Variants in KDM4C observed in about 807,000 individuals in gnomAD.
The protein encoded by KDM4C is lysine-specific demethylase 4C.
KDM4C carries 81 observed loss-of-function variants against 129.3 expected under a neutral mutation model. The ratio of observed to expected loss-of-function variants is 0.63; its 90% CI spans 0.52 to 0.75. KDM4C has a LOEUF of 0.75. KDM4C is among the 30% of genes least tolerant of loss of function. The probability of loss-of-function intolerance (pLI) is 0.00; values close to 1 mark genes in which losing one functional copy is unlikely to be tolerated. For synonymous variants in KDM4C, 573 were observed against 456.1 expected (o/e 1.26, Z -3.26); for missense variants, 1,457 against 1,304.0 (o/e 1.12, Z -1.81).
intron 8 of KDM4C, among the ~76,000 whole-genome samples, chr9:6,917,498 A>C (rs550360559): frequency 1.3e-5 from 2 of 152,310 alleles, no homozygotes; most frequent in African/African-American, 4.8e-5. Flanking sequence ...CTCATCTGGC[A>C]AAAATCCCCA....
intron 8 of KDM4C, among the ~76,000 whole-genome samples, chr9:6,939,345 C>T (rs1244882607): frequency 1.3e-5 from 2 of 152,078 alleles, no homozygotes; most frequent in Non-Finnish European, 1.5e-5. Context: ...CTCCCATCCC[C>T]CCGTGAGGGC....
intron 1 of KDM4C, among the ~76,000 whole-genome samples, chr9:6,778,794 A>G (rs1823657552): frequency 6.9e-6 from 1 of 145,214 alleles, no homozygotes; most frequent in South Asian, 2.2e-4. Context: ...AGATTCGTCT[A>G]TCTAGGTGGA....
At chr9:6,992,246 T>G (rs1818890007) in intron 12 of KDM4C, among the ~76,000 whole-genome samples, 1 of 152,210 alleles carries the variant, frequency 6.6e-6, no homozygotes, top group Non-Finnish European at 1.5e-5. Context: ...TGTCCTTATT[T>G]GCCTAGGAAG....
At chr9:6,778,092 CTT>C (rs760255723) in intron 1 of KDM4C, among the ~76,000 whole-genome samples, 29 of 131,726 alleles carry the variant, frequency 2.2e-4, no homozygotes, top group Admixed American at 3.8e-4. Context: ...CTAATTTTTT[CTT>C]TTTTTTTTTT....
intron 4 of KDM4C, among the ~76,000 whole-genome samples, chr9:6,828,887 G>A (rs768253404): frequency 1.2e-4 from 19 of 152,010 alleles, no homozygotes; most frequent in Non-Finnish European, 1.6e-4. Flanking sequence ...AAAAAAAATT[G>A]GGTTGGATAG....
intron 17 of KDM4C, chr9:7,076,655 C>G: frequency 7.6e-7 from 1 of 1,311,036 alleles, no homozygotes; most frequent in South Asian, 2.5e-5. Context: ...CCTTTTGTAT[C>G]TGTCATTTTC....
intron 19 of KDM4C, among the ~76,000 whole-genome samples, chr9:7,148,465 A>AACAGGAGGGCTGTAGTGTT (rs562456541): frequency 1.7e-3 from 256 of 152,150 alleles, no homozygotes; most frequent in African/African-American, 5.9e-3. Context: ...AGCAGTGGAG[A>AACAGGAGGGCTGTAGTGTT]ACAGGAGGGC....
At chr9:6,797,385 T>A (rs1204191224) in intron 2 of KDM4C, among the ~76,000 whole-genome samples, 1 of 152,220 alleles carries the variant, frequency 6.6e-6, no homozygotes, top group African/African-American at 2.4e-5. Context: ...TAGCTTCAGA[T>A]GACAGTCTGT....
chr9:6,895,492 A>G (rs950695066), intron 8 of KDM4C, among the ~76,000 whole-genome samples: 2 of 152,226 alleles, frequency 1.3e-5, no homozygotes, highest in Non-Finnish European at 1.5e-5. Context: ...CGTGTCATGC[A>G]AGATAGCGCA....
intron 1 of KDM4C, among the ~76,000 whole-genome samples, chr9:6,751,060 A>C (rs1312434377): frequency 1.3e-5 from 2 of 152,144 alleles, no homozygotes; most frequent in Non-Finnish European, 2.9e-5. Flanking sequence ...ATCATAAGAG[A>C]GTGAAAGCAG....
chr9:6,753,368 A>G (rs1456515758), upstream of KDM4C, among the ~76,000 whole-genome samples: 2 of 152,204 alleles, frequency 1.3e-5, no homozygotes, highest in Non-Finnish European at 2.9e-5. Flanking sequence ...ACTGACTTCT[A>G]TCTTTTATCT....
At chr9:7,135,214 C>T (rs1336899841) in intron 19 of KDM4C, among the ~76,000 whole-genome samples, 1 of 151,776 alleles carries the variant, frequency 6.6e-6, no homozygotes, top group Non-Finnish European at 1.5e-5. Flanking sequence ...GCAGGAGATT[C>T]AGTAGTTGCC....
At position 6,748,798 on chromosome 9, in the gene KDM4C, C is replaced by G. The variant is rs762430572; in HGVS notation, c.49+27801C>G. On this transcript the variant is annotated intron_variant, in intron 1 of 17. Coordinates refer to the KDM4C transcript ENST00000536108. ...GACTTTGTTTTCGAATGAATCTCTT[C>G]TGCATCATCTAATACAAGGTTCATA... The G allele has an allele frequency of 8.1e-6, 11 of 1,350,750 alleles. 1 individual carries two copies. In the South Asian group the frequency reaches 1.0e-4, roughly 13 times the overall value. 83.7% of individuals were successfully genotyped at this position (1,350,750 alleles called of 1,614,324 possible). A position where few individuals can be genotyped will look rare whatever the true frequency, so the allele number is the denominator to read the frequency against.
chr9:7,144,744 A>G (rs1015880219), intron 19 of KDM4C, among the ~76,000 whole-genome samples: 3 of 152,244 alleles, frequency 2.0e-5, no homozygotes, highest in African/African-American at 7.2e-5. Flanking sequence ...GCTTGGGTGA[A>G]GTGGAGAGTG....
At chr9:6,899,506 C>G (rs778628431) in intron 8 of KDM4C, among the ~76,000 whole-genome samples, 1 of 151,454 alleles carries the variant, frequency 6.6e-6, no homozygotes, top group Non-Finnish European at 1.5e-5. Flanking sequence ...AGAGTGGTTT[C>G]ACTGCCCTAT....
intron 8 of KDM4C, among the ~76,000 whole-genome samples, chr9:6,936,837 C>A (rs1024471368): frequency 2.0e-5 from 3 of 152,124 alleles, no homozygotes; most frequent in African/African-American, 7.2e-5. Flanking sequence ...CTTTAGTTTC[C>A]TTAGCTAAGG....
intron 8 of KDM4C, among the ~76,000 whole-genome samples, chr9:6,926,816 T>TA (rs756600514): frequency 5.3e-5 from 8 of 152,234 alleles, no homozygotes; most frequent in Non-Finnish European, 1.0e-4. Context: ...TATGGGGACT[T>TA]ATGGCTTGTA....
At chr9:6,939,660 G>A (rs1169771172) in intron 8 of KDM4C, among the ~76,000 whole-genome samples, 7 of 152,152 alleles carry the variant, frequency 4.6e-5, no homozygotes, top group African/African-American at 1.2e-4. Flanking sequence ...CTATCACATA[G>A]TTACTTTAGA....
At chr9:6,909,944 A>G (rs900729025) in intron 8 of KDM4C, among the ~76,000 whole-genome samples, 3 of 152,186 alleles carry the variant, frequency 2.0e-5, no homozygotes, top group Non-Finnish European at 2.9e-5. Context: ...TTGCAAGCTG[A>G]ATAGAAAAGT....
Sources: allele counts gnomAD v4.1 joint callset (sites outside exome capture counted in the v4.1 genomes callset), GRCh38; gene constraint gnomAD v4.1.1; transcripts MANE v1.5; gene names NCBI Gene and HGNC (gene_info 2026-07-23, HGNC 2026-07-21).